HERC2: variants seen among roughly 807,000 people sequenced by gnomAD.
HERC2 encodes the protein E3 ubiquitin-protein ligase HERC2.
Under a neutral mutation model 537.7 loss-of-function variants are expected in HERC2, and 102 were observed. That is an observed-to-expected ratio of 0.19 (90% CI 0.16 to 0.22). HERC2 has a LOEUF of 0.22. HERC2 is among the 10% of genes least tolerant of loss of function. The pLI is 1.00. For missense variants in HERC2, 4,236 were observed against 6,198.2 expected, an observed-to-expected ratio of 0.68 and a Z score of 10.63; for synonymous variants, 2,224 against 2,466.2, an observed-to-expected ratio of 0.90 and a Z score of 2.91.
Position 28,141,588 on chromosome 15 carries a change from T to G in HERC2, c.11859A>C (p.Thr3953=). 1 of 1,614,154 alleles carries G rather than the reference T, an allele frequency of 6.2e-7. No individual in the cohort carries two copies. Among genetic ancestry groups the G allele is most frequent in the Non-Finnish European group, 8.5e-7 (1 of 1,180,026 alleles). ...DWTLSAGGSG[T]IYGWGHNHRG... ...TGTGATTATGTCCCCATCCATAAAT[T>G]GTTCCACTGCCACCAGCAGAGAGAG... The change falls in exon 78 of 93, where the codon ACA becomes ACC. Residue 3953 remains threonine, a synonymous_variant. Coordinates refer to ENST00000261609, the MANE Select transcript of HERC2 (RefSeq NM_004667.6).
At chr15:28,127,926 A>C (rs1474754781) in intron 83 of HERC2, among the ~76,000 whole-genome samples, 1 of 152,210 alleles carries the variant, frequency 6.6e-6, no homozygotes, top group Non-Finnish European at 1.5e-5. Context: ...TAGATTCAGG[A>C]TGTCCCTACT....
rs1488858897 is a variant in HERC2 at position 28,182,424 on chromosome 15, G to A, written c.8914C>T (p.Leu2972=). The part of the protein sequence containing the change: ...FVWGLNDKDQ[L]GGLKGSKIKV... The stretch of plus-strand genomic sequence containing the variant: ...ACCTTGGAGCCTTTCAGCCCGCCCA[G>A]CTGGTCCTTGTCATTCAGGCCCCAC... Residue 2972 remains leucine, a synonymous_variant, in exon 57 of 93, where the codon CTG becomes TTG. Coordinates refer to ENST00000261609, the MANE Select transcript of HERC2 (RefSeq NM_004667.6). 2.5e-6 allele frequency: 4 copies of A among 1,613,582 alleles called. No homozygotes were observed. The highest frequency in any genetic ancestry group is 4.5e-5 in the East Asian group (2 of 44,872).
Position 28,176,097 on chromosome 15 carries a change from T to C in HERC2, c.9686+331A>G, listed in dbSNP as rs1200123370. On this transcript the variant is annotated intron_variant, in intron 63 of 92. Transcript: ENST00000261609. This position sits in a 1 kb window ranked among gnomAD's most constrained non-coding sequence, Gnocchi z 5.0. ...TTTACAAGAAACACATGTTAACTTT[T>C]TCAGGATCAAAGGATTCAGAAGGCT... is the stretch of plus-strand genomic sequence containing the variant. 6.6e-6 allele frequency among the ~76,000 whole-genome samples: 1 copy of C among 152,240 alleles called. No homozygotes were observed. Among genetic ancestry groups the C allele is most frequent in the Non-Finnish European group, 1.5e-5 (1 of 68,030 alleles).
chr15:28,315,231 T>C lies in HERC2; in HGVS notation c.72+6131A>G, dbSNP rs550505198. ...AACACTGAGTTCCCTCATCTCTCCTTGTAAAGTGGTGAACGTTCATACCAC... is the reference window on the plus strand; with the variant it reads ...AACACTGAGTTCCCTCATCTCTCCTCGTAAAGTGGTGAACGTTCATACCAC... On this transcript the variant is annotated intron_variant, in intron 2 of 92. Coordinates refer to ENST00000261609, the MANE Select transcript of HERC2 (RefSeq NM_004667.6). Among the ~76,000 whole-genome samples the C allele has an allele frequency of 1.0e-3, 152 of 152,342 alleles. 1 individual carries two copies. In the South Asian group the frequency reaches 0.029, roughly 29 times the overall value.
intron 55 of HERC2, 43 bp from the exon 56 acceptor site, chr15:28,186,795 C>T (rs779469958): frequency 3.5e-6 from 5 of 1,423,532 alleles, no homozygotes; most frequent in Non-Finnish European, 4.9e-6. Context: ...TAGAATCAAG[C>T]ATATTAGATC....
chr15:28,281,743 A>C (rs2141059860), intron 4 of HERC2, among the ~76,000 whole-genome samples: 1 of 152,264 alleles, frequency 6.6e-6, no homozygotes, highest in African/African-American at 2.4e-5. Flanking sequence ...CAAGATGGAG[A>C]AGTGAAAGAC....
intron 20 of HERC2, among the ~76,000 whole-genome samples, chr15:28,249,335 G>A (rs1904040093): frequency 1.3e-5 from 2 of 152,184 alleles, no homozygotes; most frequent in South Asian, 4.1e-4. Flanking sequence ...ACCAAAGCAG[G>A]TGCCCAAAGA....
chr15:28,213,676 G>C (rs570853149), intron 42 of HERC2, 66 bp downstream of exon 42: 1 of 1,609,972 alleles, frequency 6.2e-7, no homozygotes, highest in East Asian at 2.2e-5. Context: ...TGCTGATGCT[G>C]GTGCTCGGTT....
chr15:28,211,571 T>G (rs944205399), intron 43 of HERC2, among the ~76,000 whole-genome samples: 3 of 152,124 alleles, frequency 2.0e-5, no homozygotes, highest in African/African-American at 7.2e-5. Context: ...GCTTATCTGA[T>G]AGCAGAGGCC....
intron 78 of HERC2, 138 bp from the exon 79 acceptor site, chr15:28,135,830 A>T (rs1245269046): frequency 3.1e-6 from 2 of 655,584 alleles, no homozygotes; most frequent in Admixed American, 3.1e-5. Flanking sequence ...TCTCAGGAAT[A>T]TAAGTTTATG....
At chr15:28,134,650 C>T (rs1450564139) in intron 79 of HERC2, among the ~76,000 whole-genome samples, 1 of 151,790 alleles carries the variant, frequency 6.6e-6, no homozygotes, top group African/African-American at 2.4e-5. Flanking sequence ...TCCTAGACTA[C>T]TCAGAGTTTT....
intron 40 of HERC2, 43 bp from the exon 41 acceptor site, chr15:28,214,315 C>A (rs749655741): frequency 7.2e-6 from 11 of 1,531,186 alleles, no homozygotes; most frequent in Admixed American, 1.7e-5. Flanking sequence ...CCGCTCTTCA[C>A]CAGGGCACAG....
In HERC2 at chr15:28,124,152, T is replaced by C; in HGVS notation, c.13073A>G (p.Glu4358Gly). Residue 4358 changes from glutamate (E) to glycine (G), a missense_variant, in exon 85 of 93, where the codon GAG becomes GGG. Around this residue, in one of 27 missense-constraint regions of HERC2, gnomAD observed 189 missense variants for 255.7 expected, o/e 0.74. Coordinates refer to ENST00000261609, the MANE Select transcript of HERC2 (RefSeq NM_004667.6). ...CATGGGGATGCAGGGGCAGAAGAGC[T>C]CGGAGAGGTGGTGCAGCAGCAGCAG... ...NRLLLLHHLS[E>G]LFCPCIPMFD... The C allele has an allele frequency of 6.3e-7, 1 of 1,592,100 alleles. No homozygotes were observed. Among genetic ancestry groups the C allele is most frequent in the Non-Finnish European group, 8.6e-7 (1 of 1,169,198 alleles).
chr15:28,285,554 G>A (rs1363864984), intron 4 of HERC2, among the ~76,000 whole-genome samples: 1 of 151,796 alleles, frequency 6.6e-6, no homozygotes, highest in Non-Finnish European at 1.5e-5. Flanking sequence ...AGTGGGTGAT[G>A]AGAAATTTAC....
intron 4 of HERC2, among the ~76,000 whole-genome samples, chr15:28,286,257 T>C (rs1259002384): frequency 2.6e-5 from 4 of 152,008 alleles, no homozygotes; most frequent in African/African-American, 9.7e-5. Context: ...ATTAAGAAGC[T>C]AATATTAGAA....
intron 56 of HERC2, among the ~76,000 whole-genome samples, chr15:28,184,073 C>T (rs1896070817): frequency 6.6e-6 from 1 of 151,980 alleles, no homozygotes; most frequent in Admixed American, 6.6e-5. Context: ...CACCTGTAAT[C>T]CCAGCTACTT....
At chr15:28,295,086 A>G (rs564621488) in intron 3 of HERC2, among the ~76,000 whole-genome samples, 83 of 152,276 alleles carry the variant, frequency 5.5e-4, no homozygotes, top group African/African-American at 1.9e-3. Context: ...GACTTGTTAG[A>G]ATGGCTCAAC....
intron 48 of HERC2, among the ~76,000 whole-genome samples, chr15:28,199,568 G>A (rs1897696124): frequency 6.6e-6 from 1 of 152,178 alleles, no homozygotes; most frequent in South Asian, 2.1e-4. Context: ...ACTCAGAGAA[G>A]ATGAAGTTAG....
rs1210205412 is a variant in HERC2 at position 28,229,669 on chromosome 15, G to A, written c.4983+5C>T. On this transcript the variant is annotated splice_donor_5th_base_variant and intron_variant, in intron 32 of 92. Coordinates refer to ENST00000261609, the MANE Select transcript of HERC2 (RefSeq NM_004667.6). ...TGCAGAGAAGCATTTCTCATCAAAT[G>A]TTACCTGTTTTAGTAGGCACTTTCT... 3 of 1,611,304 alleles carry A rather than the reference G, an allele frequency of 1.9e-6. No individual in the cohort carries two copies. In the South Asian group the frequency reaches 3.3e-5, roughly 18 times the overall value.
Sources: gnomAD v4.1 joint callset for allele counts (sites outside exome capture counted in the v4.1 genomes callset) on GRCh38, gnomAD v4.1.1 for gene constraint, gnomAD v4.1.1 regional missense constraint, Gnocchi (gnomAD v3.1) non-coding constraint, MANE v1.5 for transcripts, NCBI Gene and HGNC (gene_info 2026-07-23, HGNC 2026-07-21) for gene names.